ARVCF: variants seen among roughly 807,000 people sequenced by gnomAD.
ARVCF encodes splicing regulator ARVCF.
In ARVCF, 66 loss-of-function variants were observed where a neutral mutation model predicts 90.9. The ratio of observed to expected loss-of-function variants is 0.73; its 90% confidence interval spans 0.60 to 0.89. The LOEUF (loss-of-function observed/expected upper bound fraction) is 0.89. ARVCF is among the 40% of genes least tolerant of loss of function. ARVCF has a pLI of 0.00. For missense variants in ARVCF, 1,469 were observed against 1,382.3 expected (o/e 1.06, Z -1.00); for synonymous variants, 653 against 603.4 (o/e 1.08, Z -1.21).
In ARVCF at chr22:19,970,254, C is replaced by A. The variant is rs546072238; in HGVS notation, c.*502G>T. 1.5e-3 allele frequency: 1,528 copies of A among 987,184 alleles called. 3 individuals are homozygous for A. The Middle Eastern group carries it at 0.018, about 12-fold the overall frequency. 61.2% of individuals were successfully genotyped at this position (987,184 alleles called of 1,614,324 possible). ...GCCCAGGGCTGGGCCTTGTGGGGCA[C>A]CCCCCACACCGTGGTCTGCCTGCCT... is the stretch of plus-strand genomic sequence containing the variant. On this transcript the variant is annotated 3_prime_UTR_variant, in exon 20 of 20. Transcript: ENST00000263207.
At chr22:19,986,832 C>T in intron 3 of ARVCF, 1 of 427,818 alleles carries the variant, frequency 2.3e-6, no homozygotes, top group East Asian at 3.7e-5. Context: ...CCCCCCCAGG[C>T]CCCGCGGATG....
At chr22:19,987,992 A>T (rs1334405889) in intron 3 of ARVCF, among the ~76,000 whole-genome samples, 1 of 152,198 alleles carries the variant, frequency 6.6e-6, no homozygotes, top group Admixed American at 6.5e-5. Context: ...GGCCAAGCCA[A>T]TGGCTCCAGC....
chr22:19,978,856 C>T, intron 7 of ARVCF, 41 bp downstream of exon 7: 1 of 1,581,508 alleles, frequency 6.3e-7, no homozygotes, highest in South Asian at 1.1e-5. Flanking sequence ...AGGACGGGGC[C>T]TGGTGTGCAT....
chr22:19,972,867 T>C (rs767402270), intron 15 of ARVCF, 40 bp from the exon 16 acceptor site: 1 of 1,613,454 alleles, frequency 6.2e-7, no homozygotes, highest in South Asian at 1.1e-5. Context: ...GTGAAGCACA[T>C]GGAGTGGGAA....
chr22:19,973,124 G>A lies in ARVCF; in HGVS notation c.2433C>T (p.Ala811=), dbSNP rs1569147892. Residue 811 remains alanine (A), a synonymous_variant, in exon 14 of 20, where the codon GCC becomes GCT. Coordinates refer to ENST00000263207, the MANE Select transcript of ARVCF (RefSeq NM_001670.3). ...CCGACCCCGCCCCTCCACACCTGGA[G>A]GCCACGAGAGCCACCAACGCTGGCA... The part of the protein sequence containing the change: ...RGVPALVALV[A]SSQSVREAKA... 5.6e-6 allele frequency: 9 copies of A among 1,605,862 alleles called. No individual in the cohort carries two copies. Among genetic ancestry groups the A allele is most frequent in the South Asian group, 1.1e-5 (1 of 90,442 alleles).
chr22:19,981,921 GC>G lies in ARVCF; in HGVS notation c.369+11del. ...CCCTGCTCACCCACCCACTGCCTGG[GC>G]CTGGCCATACCTTGGTCTCGGTGCG... On this transcript the variant is annotated intron_variant, in intron 4 of 19. Coordinates refer to ENST00000263207, the MANE Select transcript of ARVCF (RefSeq NM_001670.3). 1 of 1,611,132 alleles carries G rather than the reference GC, an allele frequency of 6.2e-7. No individual in the cohort carries two copies. The highest frequency in any genetic ancestry group is 8.5e-7 in the Non-Finnish European group (1 of 1,179,174).
downstream of ARVCF, chr22:19,968,497 T>A (rs371134244): frequency 1.9e-6 from 3 of 1,598,086 alleles, no homozygotes; most frequent in Non-Finnish European, 2.6e-6. Flanking sequence ...TCTGGGCACC[T>A]CTGACCCTCA....
intron 2 of ARVCF, among the ~76,000 whole-genome samples, chr22:20,003,912 A>T (rs1944528089): frequency 6.6e-6 from 1 of 152,232 alleles, no homozygotes; most frequent in Non-Finnish European, 1.5e-5. Flanking sequence ...CAAATTAGAA[A>T]GAAAGAAAAA....
chr22:19,986,427 C>T lies in ARVCF; in HGVS notation c.210+4158G>A, dbSNP rs187266389. ...AGGACAAACTGCCTATGCCTCCCCC[C>T]ACCTCAATGCTGAGAGGGGGAGGAT... On this transcript the variant is annotated intron_variant, in intron 3 of 19. Transcript: ENST00000263207. Among the ~76,000 whole-genome samples the T allele has an allele frequency of 2.3e-3, 354 of 152,336 alleles. 1 individual carries two copies. The highest frequency in any genetic ancestry group is 3.2e-3 in the Non-Finnish European group (218 of 68,024).
chr22:19,978,737 C>T (rs538081952), intron 7 of ARVCF, among the ~76,000 whole-genome samples, 160 bp downstream of exon 7: 122 of 152,240 alleles, frequency 8.0e-4, no homozygotes, highest in Non-Finnish European at 1.1e-3. Context: ...GTGAGGACAG[C>T]TCCATCAGGC....
chr22:20,003,863 GAC>G (rs1241769222), intron 2 of ARVCF, among the ~76,000 whole-genome samples: 1 of 133,854 alleles, frequency 7.5e-6, no homozygotes, highest in African/African-American at 3.4e-5. Flanking sequence ...AGAAGTTTTA[GAC>G]AGAGTAATTA....
At chr22:19,987,443 G>T (rs1943858210) in intron 3 of ARVCF, among the ~76,000 whole-genome samples, 1 of 150,716 alleles carries the variant, frequency 6.6e-6, no homozygotes, top group Non-Finnish European at 1.5e-5. Context: ...CCTCCCTGCG[G>T]CAGGGGTGTC....
intron 2 of ARVCF, among the ~76,000 whole-genome samples, chr22:20,000,529 G>A (rs1437437981): frequency 2.6e-5 from 4 of 152,128 alleles, no homozygotes; most frequent in African/African-American, 7.2e-5. Flanking sequence ...GGAGAGCCTC[G>A]GGACTTGACT....
intron 17 of ARVCF, 36 bp from the exon 18 acceptor site, chr22:19,972,007 C>G: frequency 1.3e-6 from 2 of 1,554,304 alleles, no homozygotes; most frequent in Non-Finnish European, 8.8e-7. Flanking sequence ...GAGGGGCGCT[C>G]TGAGGGAGGC....
At chr22:19,994,903 T>G (rs1601647020) in intron 2 of ARVCF, among the ~76,000 whole-genome samples, 3 of 121,584 alleles carry the variant, frequency 2.5e-5, no homozygotes, top group African/African-American at 6.4e-5. Context: ...TGGATGAACG[T>G]ATGGATGGAT....
chr22:19,974,231 G>A lies in ARVCF; in HGVS notation c.1969C>T (p.Leu657=). ...KRTEAAKGFE[L]LYQPEVVRLY... is the part of the protein sequence containing the mutation. ...CGTACCACCTCGGGCTGGTACAGCA[G>A]CTCAAAGCCTAGGTGCAGGGCAACC... Residue 657 remains leucine (L), a synonymous_variant, in exon 12 of 20, where the codon CTG becomes TTG. Transcript: ENST00000263207. The A allele has an allele frequency of 6.2e-7, 1 of 1,608,772 alleles. No homozygotes were observed. The highest frequency in any genetic ancestry group is 1.3e-5 in the African/African-American group (1 of 74,960).
chr22:19,980,080 C>T lies in ARVCF; in HGVS notation c.1059G>A (p.Pro353=), dbSNP rs374247477. Residue 353 remains proline, a synonymous_variant, in exon 6 of 20, where the codon CCG becomes CCA. Coordinates refer to ENST00000263207, the MANE Select transcript of ARVCF (RefSeq NM_001670.3). ...CAGGCAGCTCAGGGTCCCGCCAGCG[C>T]GGCTCCTTGCGGGCGCTATCCACTG... ...SPSVDSARKE[P]RWRDPELPEV... 4.3e-5 allele frequency: 68 copies of T among 1,581,348 alleles called. No individual in the cohort carries two copies. The Admixed American group carries it at 4.7e-4, about 11-fold the overall frequency.
chr22:19,978,430 G>A (rs974085718), intron 7 of ARVCF, among the ~76,000 whole-genome samples: 1 of 152,186 alleles, frequency 6.6e-6, no homozygotes. Context: ...GCAGCTCTGG[G>A]CCCCACCTTA....
intron 2 of ARVCF, among the ~76,000 whole-genome samples, chr22:20,005,646 C>A (rs1174844891): frequency 6.6e-6 from 1 of 151,968 alleles, no homozygotes; most frequent in African/African-American, 2.4e-5. Context: ...GGTGAAACCC[C>A]GTCTCTACTA....
Sources: gnomAD v4.1 joint callset for allele counts (sites outside exome capture counted in the v4.1 genomes callset) on GRCh38, gnomAD v4.1.1 for gene constraint, MANE v1.5 for transcripts, NCBI Gene and HGNC (gene_info 2026-07-23, HGNC 2026-07-21) for gene names.